YBX3: variants seen among roughly 807,000 people sequenced by gnomAD.
YBX3 encodes the protein Y-box-binding protein 3.
YBX3 carries 29 observed loss-of-function variants against 42.4 expected under a neutral mutation model. The ratio of observed to expected loss-of-function variants is 0.68; its 90% CI spans 0.51 to 0.93. The LOEUF (loss-of-function observed/expected upper bound fraction) is 0.93. Among genes scored for constraint, YBX3 ranks in the 40% least tolerant of loss-of-function variants. YBX3 has a pLI of 0.00. For synonymous variants in YBX3, 195 were observed against 189.8 expected, an observed-to-expected ratio of 1.03 and a Z score of -0.22; for missense variants, 517 against 527.5, an observed-to-expected ratio of 0.98 and a Z score of 0.19.
chr12:10,706,218 G>A (rs4763577), intron 6 of YBX3, among the ~76,000 whole-genome samples: 48,975 of 152,048 alleles, frequency 0.32, 8,476 homozygotes, highest in East Asian at 0.64. Flanking sequence ...TGTTGGTGAG[G>A]TAACGGGTAA....
chr12:10,704,644 A>G (rs1036252520), intron 6 of YBX3, among the ~76,000 whole-genome samples: 6 of 152,108 alleles, frequency 3.9e-5, no homozygotes, highest in Non-Finnish European at 8.8e-5. Flanking sequence ...CCTCCCCCTA[A>G]GAGCCAAATA....
At position 10,722,906 on chromosome 12, in the gene YBX3, G is replaced by C. The variant is rs770386659; in HGVS notation, c.206C>G (p.Ala69Gly). Reference protein sequence around the residue: ...DAAPAATGTAAAASLATAAGS... With the variant: ...DAAPAATGTAGAASLATAAGS... ...GGCGGCGGTGGCTAAAGAGGCGGCGGCCGCGGTGCCCGTGGCTGCGGGGGC... is the reference window on the plus strand; with the variant it reads ...GGCGGCGGTGGCTAAAGAGGCGGCGCCCGCGGTGCCCGTGGCTGCGGGGGC... The change falls in exon 1 of 10, where the codon GCC becomes GGC. Residue 69 changes from alanine (A) to glycine (G), a missense_variant. By Grantham distance (60) the Ala-to-Gly change is moderately conservative. This residue lies in a region of YBX3 where 11 missense variants were observed against 36.5 expected (regional missense o/e 0.30). Coordinates refer to ENST00000228251, the MANE Select transcript of YBX3 (RefSeq NM_003651.5). 21 of 1,436,518 alleles carry C rather than the reference G, an allele frequency of 1.5e-5. No individual in the cohort carries two copies. In the African/African-American group the frequency reaches 1.5e-4, roughly 10 times the overall value. The allele number at this position is 1,436,518 out of a possible 1,614,324, so 89.0% of individuals were successfully genotyped here.
intron 6 of YBX3, among the ~76,000 whole-genome samples, chr12:10,709,015 T>C (rs763598830): frequency 6.6e-6 from 1 of 152,144 alleles, no homozygotes; most frequent in Non-Finnish European, 1.5e-5. Context: ...TATATGTAAG[T>C]CTACTTGTTA....
Position 10,723,096 on chromosome 12 carries a change from C to T in YBX3, c.16G>A (p.Glu6Lys), listed in dbSNP as rs937916288. 88 of 1,206,618 alleles carry T rather than the reference C, an allele frequency of 7.3e-5. No homozygotes were observed. In the African/African-American group the frequency reaches 1.3e-3, roughly 18 times the overall value. 74.7% of individuals were successfully genotyped at this position (1,206,618 alleles called of 1,614,324 possible). MSEAG[E>K]ATTTTTTTLP... ...GTGGTGGTGGTGGTGGTGGTGGCCT[C>T]GCCCGCCTCACTCATGCCTCCTCCT... The change falls in exon 1 of 10, where the codon GAG (glutamate) becomes AAG (lysine). Residue 6 changes from glutamate (E) to lysine (K), a missense_variant. Physicochemically the swap from Glu to Lys is moderately conservative, Grantham distance 56. Around this residue, in one of 3 missense-constraint regions of YBX3, gnomAD observed 86 missense variants for 82.5 expected, o/e 1.04. Transcript: ENST00000228251.
intron 9 of YBX3, among the ~76,000 whole-genome samples, chr12:10,700,596 C>A (rs1034558828): frequency 1.3e-5 from 2 of 152,124 alleles, no homozygotes; most frequent in Non-Finnish European, 2.9e-5. Context: ...TATCCTTTTA[C>A]GAGAGGTTAT....
intron 1 of YBX3, 73 bp from the exon 2 acceptor site, chr12:10,719,216 A>T (rs1948298125): frequency 7.7e-7 from 1 of 1,296,322 alleles, no homozygotes; most frequent in African/African-American, 1.5e-5. Context: ...TAAGATCTTG[A>T]TAACATTAGA....
Position 10,702,068 on chromosome 12 carries a change from T to C in YBX3, c.945A>G (p.Gln315=), listed in dbSNP as rs371497455. Residue 315 remains glutamine, a synonymous_variant, in exon 8 of 10, where the codon CAA becomes CAG. Coordinates refer to ENST00000228251, the MANE Select transcript of YBX3 (RefSeq NM_003651.5). ...VGEAEDKENQ[Q]ATSGPNQPSV... is the part of the protein sequence containing the mutation. ...ACGGCTGGTTTGGACCACTGGTGGC[T>C]TGCTGATTTTCTTTATCTTCAGCCT... is the stretch of plus-strand genomic sequence containing the variant. 1.9e-6 allele frequency: 3 copies of C among 1,614,086 alleles called. No homozygotes were observed. Among genetic ancestry groups the C allele is most frequent in the African/African-American group, 2.7e-5 (2 of 74,934 alleles).
At chr12:10,701,038 T>C (rs993295484) in intron 9 of YBX3, among the ~76,000 whole-genome samples, 1 of 152,172 alleles carries the variant, frequency 6.6e-6, no homozygotes, top group Admixed American at 6.5e-5. Flanking sequence ...ATCAACTCTG[T>C]CTGAATGCTT....
chr12:10,709,831 A>T, intron 6 of YBX3, 77 bp downstream of exon 6: 2 of 1,437,010 alleles, frequency 1.4e-6, no homozygotes, highest in Non-Finnish European at 1.9e-6. Flanking sequence ...CTGATGTTGG[A>T]GGAGGAGGAG....
intron 6 of YBX3, among the ~76,000 whole-genome samples, chr12:10,707,468 T>C (rs775520665): frequency 6.6e-6 from 1 of 152,228 alleles, no homozygotes; most frequent in African/African-American, 2.4e-5. Context: ...CCAACACCTC[T>C]ATATGCTTAA....
rs779768785 is a variant in YBX3 at position 10,710,091 on chromosome 12, TTCC to T, written c.594_596del (p.Glu199del). 20 of 1,613,300 alleles carry T rather than the reference TTCC, an allele frequency of 1.2e-5. No homozygotes were observed. The highest frequency in any genetic ancestry group is 2.2e-5 in the East Asian group (1 of 44,872). ...CAAATCCTTCACTGCTGCCGCTCCC[TTCC>T]TCCTCCTCCTCCCCAGCGTACTAGC... is the stretch of plus-strand genomic sequence containing the variant. On this transcript the variant is annotated inframe_deletion, in exon 6 of 10. Transcript: ENST00000228251.
intron 4 of YBX3, among the ~76,000 whole-genome samples, chr12:10,714,317 C>G (rs1227388341): frequency 6.6e-6 from 1 of 152,140 alleles, no homozygotes; most frequent in Non-Finnish European, 1.5e-5. Flanking sequence ...AACCTCTCAT[C>G]CAGTTAATTT....
rs774584080 is a variant in YBX3, at chr12:10,715,773, T to C, written c.371A>G (p.Lys124Arg). The C allele has an allele frequency of 1.2e-6, 2 of 1,614,022 alleles. No individual in the cohort carries two copies. Among genetic ancestry groups the C allele is most frequent in the Non-Finnish European group, 1.7e-6 (2 of 1,179,918 alleles). The stretch of plus-strand genomic sequence containing the variant: ...CAGATATTTCCGTGGGTTATTCTTC[T>C]TGATGGCAGTCTGGAAAGAGAACAG... ...EDVFVHQTAI[K>R]KNNPRKYLRS... Residue 124 changes from lysine to arginine, a missense_variant, in exon 4 of 10, where the codon AAG becomes AGG. Physicochemically the swap from Lys to Arg is conservative, Grantham distance 26. This residue lies in a region of YBX3 where 420 missense variants were observed against 408.5 expected (regional missense o/e 1.03). Coordinates refer to ENST00000228251, the MANE Select transcript of YBX3 (RefSeq NM_003651.5).
intron 3 of YBX3, chr12:10,715,993 A>G: frequency 1.9e-6 from 1 of 534,178 alleles, no homozygotes; most frequent in South Asian, 2.0e-5. Context: ...TGTGCTATTC[A>G]TCTTGACAGG....
chr12:10,722,771 G>A (rs1948344309), intron 1 of YBX3, 79 bp downstream of exon 1: 1 of 1,222,592 alleles, frequency 8.2e-7, no homozygotes, highest in Middle Eastern at 2.1e-4. Flanking sequence ...GAGATGTAGC[G>A]CGAGCTGCCC....
At chr12:10,715,215 T>A (rs780620477) in intron 4 of YBX3, among the ~76,000 whole-genome samples, 2 of 152,118 alleles carry the variant, frequency 1.3e-5, no homozygotes, top group Non-Finnish European at 2.9e-5. Context: ...AATTAAAGTA[T>A]CTTTATTGCA....
At chr12:10,700,869 A>AT (rs397798628) in intron 9 of YBX3, among the ~76,000 whole-genome samples, 1 of 151,822 alleles carries the variant, frequency 6.6e-6, no homozygotes, top group Non-Finnish European at 1.5e-5. Context: ...AGGAAAAAAA[A>AT]TCCTTTAGTT....
intron 7 of YBX3, 171 bp downstream of exon 7, chr12:10,703,880 T>TATTA: frequency 1.7e-6 from 1 of 573,666 alleles, no homozygotes. Context: ...AAAATTCTAG[T>TATTA]ATTAAGTAGG....
intron 1 of YBX3, among the ~76,000 whole-genome samples, chr12:10,719,624 A>C (rs1233270557): frequency 6.6e-6 from 1 of 152,236 alleles, no homozygotes; most frequent in South Asian, 2.1e-4. Context: ...AAAGACGTAA[A>C]GCAACTTGTC....
Sources: allele counts gnomAD v4.1 joint callset (sites outside exome capture counted in the v4.1 genomes callset), GRCh38; gene constraint gnomAD v4.1.1; regional missense constraint gnomAD v4.1.1; transcripts MANE v1.5; gene names NCBI Gene and HGNC (gene_info 2026-07-23, HGNC 2026-07-21).